PLCB1: variants seen among roughly 807,000 people sequenced by gnomAD.
PLCB1 encodes the protein phospholipase C beta 1, also known as 1-phosphatidylinositol 4,5-bisphosphate phosphodiesterase beta-1.
In PLCB1, 46 loss-of-function variants were observed where a neutral mutation model predicts 161.8. The ratio of observed to expected loss-of-function variants is 0.28; its 90% CI spans 0.22 to 0.36. PLCB1 has a LOEUF of 0.36. Ranked by LOEUF, PLCB1 falls within the 10% of genes least tolerant of loss-of-function variation. The pLI is 1.00. For missense variants in PLCB1, 1,016 were observed against 1,472.5 expected (o/e 0.69, Z 5.07); for synonymous variants, 517 against 503.7 (o/e 1.03, Z -0.35).
chr20:8,424,941 A>C (rs553321375), intron 3 of PLCB1, among the ~76,000 whole-genome samples: 1 of 152,142 alleles, frequency 6.6e-6, no homozygotes, highest in Non-Finnish European at 1.5e-5. Context: ...CTTGGGTTCA[A>C]ATACCCCCTA....
chr20:8,577,085 C>T (rs183134090), intron 3 of PLCB1, among the ~76,000 whole-genome samples: 1 of 151,852 alleles, frequency 6.6e-6, no homozygotes, highest in African/African-American at 2.4e-5. Context: ...AATAAAAAAC[C>T]AACAATCAAG....
At chr20:8,307,374 G>A (rs1984178796) in intron 2 of PLCB1, among the ~76,000 whole-genome samples, 1 of 152,168 alleles carries the variant, frequency 6.6e-6, no homozygotes, top group African/African-American at 2.4e-5. Flanking sequence ...AACCTACAGA[G>A]GTAATGCTGA....
intron 3 of PLCB1, among the ~76,000 whole-genome samples, chr20:8,506,085 C>G (rs940106566): frequency 1.3e-5 from 2 of 152,194 alleles, no homozygotes; most frequent in Non-Finnish European, 2.9e-5. Flanking sequence ...CTTTCTTACT[C>G]AGATGCTGTT....
intron 2 of PLCB1, among the ~76,000 whole-genome samples, chr20:8,247,075 G>A (rs1222058230): frequency 6.6e-6 from 1 of 151,798 alleles, no homozygotes; most frequent in Non-Finnish European, 1.5e-5. Flanking sequence ...ATTTTCCAAG[G>A]AGCACTGTCA....
chr20:8,721,595 G>A (rs970316866), intron 14 of PLCB1, among the ~76,000 whole-genome samples: 3 of 152,124 alleles, frequency 2.0e-5, no homozygotes, highest in Admixed American at 2.0e-4. Context: ...ATTTCTGATG[G>A]AGTTAGATTT....
chr20:8,506,124 T>C (rs1238825371), intron 3 of PLCB1, among the ~76,000 whole-genome samples: 6 of 152,222 alleles, frequency 3.9e-5, no homozygotes, highest in Non-Finnish European at 7.3e-5. Context: ...ACATAACACT[T>C]GAGCCAACAT....
At chr20:8,698,548 A>G (rs1310751486) in intron 11 of PLCB1, among the ~76,000 whole-genome samples, 1 of 152,198 alleles carries the variant, frequency 6.6e-6, no homozygotes, top group African/African-American at 2.4e-5. Flanking sequence ...TGGAATGTTG[A>G]CGTCTATCAG....
intron 31 of PLCB1, among the ~76,000 whole-genome samples, chr20:8,807,029 G>A (rs1002362400): frequency 6.6e-6 from 1 of 152,196 alleles, no homozygotes; most frequent in African/African-American, 2.4e-5. Flanking sequence ...AGATTCCCGA[G>A]GGCTGTTGTG....
chr20:8,793,660 G>A (rs945863669), intron 31 of PLCB1, among the ~76,000 whole-genome samples: 9 of 152,180 alleles, frequency 5.9e-5, no homozygotes, highest in Admixed American at 3.3e-4. Flanking sequence ...AATATCACAA[G>A]GCAAGTGGAG....
intron 3 of PLCB1, among the ~76,000 whole-genome samples, chr20:8,583,304 T>G (rs1310496643): frequency 6.6e-6 from 1 of 152,220 alleles, no homozygotes. Flanking sequence ...ACAACATGGA[T>G]GTCTTTAACA....
intron 20 of PLCB1, 69 bp from the exon 21 acceptor site, chr20:8,739,192 A>G: frequency 1.0e-6 from 1 of 960,132 alleles, no homozygotes; most frequent in South Asian, 1.3e-5. Context: ...TGATTGAATA[A>G]TACCTTTCTA....
intron 3 of PLCB1, among the ~76,000 whole-genome samples, chr20:8,581,554 T>C (rs529758993): frequency 9.9e-5 from 15 of 152,282 alleles, no homozygotes; most frequent in Admixed American, 8.5e-4. Flanking sequence ...AGGTTTGACA[T>C]AGGCAACAGT....
At chr20:8,141,083 A>G (rs1200156610) in intron 1 of PLCB1, among the ~76,000 whole-genome samples, 2 of 152,218 alleles carry the variant, frequency 1.3e-5, no homozygotes, top group Non-Finnish European at 2.9e-5. Flanking sequence ...GATGTGAGCC[A>G]CCGAACGTGG....
intron 3 of PLCB1, among the ~76,000 whole-genome samples, chr20:8,501,297 G>T (rs1231514673): frequency 2.6e-5 from 4 of 152,222 alleles, no homozygotes; most frequent in African/African-American, 4.8e-5. Flanking sequence ...CTCGCTGTCA[G>T]ATCAGGCTAG....
intron 31 of PLCB1, among the ~76,000 whole-genome samples, chr20:8,835,703 T>C (rs1986252412): frequency 6.6e-6 from 1 of 151,850 alleles, no homozygotes; most frequent in South Asian, 2.1e-4. Context: ...AACTGCATAA[T>C]AGATTTAAAA....
At chr20:8,342,616 T>C (rs533231339) in intron 2 of PLCB1, among the ~76,000 whole-genome samples, 1 of 152,302 alleles carries the variant, frequency 6.6e-6, no homozygotes, top group East Asian at 1.9e-4. Flanking sequence ...TGTTGATCTG[T>C]TACTGGCAAG....
intron 2 of PLCB1, among the ~76,000 whole-genome samples, chr20:8,271,404 A>T (rs573208205): frequency 6.6e-6 from 1 of 152,242 alleles, no homozygotes; most frequent in African/African-American, 2.4e-5. Context: ...TCCCATTGTA[A>T]TTCCTGATAG....
At chr20:8,867,687 G>T (rs1987476350) in intron 31 of PLCB1, among the ~76,000 whole-genome samples, 1 of 152,168 alleles carries the variant, frequency 6.6e-6, no homozygotes, top group African/African-American at 2.4e-5. Flanking sequence ...GTGACTTGCA[G>T]ACTCAGTTGG....
intron 2 of PLCB1, among the ~76,000 whole-genome samples, chr20:8,341,994 GA>G (rs879443659): frequency 6.9e-4 from 100 of 144,298 alleles, no homozygotes; most frequent in East Asian, 1.8e-3. Context: ...ATCATTGACA[GA>G]AAAAAAAAAA....
Sources: allele counts gnomAD v4.1 joint callset (sites outside exome capture counted in the v4.1 genomes callset), GRCh38; gene constraint gnomAD v4.1.1; transcripts MANE v1.5; gene names NCBI Gene and HGNC (gene_info 2026-07-23, HGNC 2026-07-21).